The following DOCK11 variants were observed in gnomAD, a reference collection of about 807,000 sequenced individuals.
DOCK11 encodes the protein dedicator of cytokinesis protein 11.
Under a neutral mutation model 169.1 loss-of-function variants are expected in DOCK11, and 70 were observed. The ratio of observed to expected loss-of-function variants is 0.41; its 90% CI spans 0.34 to 0.51. DOCK11 has a LOEUF of 0.51. Ranked by LOEUF, DOCK11 falls within the 20% of genes least tolerant of loss-of-function variation. The pLI, the probability that DOCK11 is intolerant of heterozygous loss-of-function variation, is 0.10. For missense variants in DOCK11, 1,166 were observed against 1,538.8 expected (o/e 0.76, Z 4.05); for synonymous variants, 529 against 541.3 (o/e 0.98, Z 0.32).
chrX:118,618,422 G>A, intron 30 of DOCK11, 128 bp from the exon 31 acceptor site: 2 of 519,715 alleles, frequency 3.8e-6, no homozygotes, highest in South Asian at 1.2e-4. Flanking sequence ...GAATTGCTCA[G>A]AATCATTAAT....
At chrX:118,621,401 G>A (rs1327065512) in intron 31 of DOCK11, among the ~76,000 whole-genome samples, 4 of 111,665 alleles carry the variant, frequency 3.6e-5, no homozygotes, top group African/African-American at 1.3e-4. Flanking sequence ...CAAGGTGAGG[G>A]ATTGGAGGGA....
intron 20 of DOCK11, among the ~76,000 whole-genome samples, chrX:118,596,472 C>T (rs769626760): frequency 1.8e-5 from 2 of 112,487 alleles, no homozygotes; most frequent in African/African-American, 6.4e-5. Context: ...CACACACTCA[C>T]ACACAGAGTC....
rs915830976 is a variant in DOCK11, at chrX:118,648,530, ATT to A, written c.4399-413_4399-412del. On this transcript the variant is annotated intron_variant, in intron 40 of 52. Coordinates refer to ENST00000276202, the MANE Select transcript of DOCK11 (RefSeq NM_144658.4). ...ATATATTAATATGTAATATATATAT[ATT>A]TATATATTTATATATAACATAAATT... Among the ~76,000 whole-genome samples, 33 of 94,276 alleles carry A rather than the reference ATT, an allele frequency of 3.5e-4. No individual in the cohort carries two copies. In the East Asian group the frequency reaches 8.1e-3, roughly 23 times the overall value. 81.9% of individuals were successfully genotyped at this position (94,276 alleles called of 115,157 possible).
chrX:118,630,534 C>A, intron 35 of DOCK11, 44 bp downstream of exon 35: 2 of 839,906 alleles, frequency 2.4e-6, no homozygotes, highest in Non-Finnish European at 3.5e-6. Flanking sequence ...TAGACATACA[C>A]CCTCACAGGT....
At chrX:118,680,126 C>G (rs1335006060) in intron 48 of DOCK11, among the ~76,000 whole-genome samples, 1 of 108,680 alleles carries the variant, frequency 9.2e-6, no homozygotes, top group African/African-American at 3.4e-5. Flanking sequence ...AAGGTTTCAC[C>G]ATGTTGGCCA....
intron 10 of DOCK11, among the ~76,000 whole-genome samples, chrX:118,571,531 T>C (rs2013272995): frequency 9.1e-6 from 1 of 110,243 alleles, no homozygotes; most frequent in African/African-American, 3.3e-5. Flanking sequence ...TTATTTTTTA[T>C]AGAGACAAGG....
In DOCK11 at chrX:118,560,714, TC is replaced by T. The variant is rs1310471441; in HGVS notation, c.559-667del. Among the ~76,000 whole-genome samples the T allele has an allele frequency of 2.1e-4, 24 of 112,043 alleles. 1 individual carries two copies. In the East Asian group the frequency reaches 6.7e-3, roughly 31 times the overall value. ...ACTCATCAGGCAGTCCCCAACCTTT[TC>T]CTGTTCCTGTGGGCTTTGCTGTGAG... On this transcript the variant is annotated intron_variant, in intron 6 of 52. Transcript: ENST00000276202.
At chrX:118,563,913 TC>T (rs1255696139) in intron 7 of DOCK11, among the ~76,000 whole-genome samples, 12 of 111,000 alleles carry the variant, frequency 1.1e-4, no homozygotes, top group Admixed American at 6.7e-4. Context: ...TCTCCTTAGT[TC>T]AGTTAAAACC....
Position 118,580,126 on chromosome X carries a change from A to G in DOCK11, c.1542A>G (p.Lys514=), listed in dbSNP as rs757063309. Residue 514 remains lysine (K), a synonymous_variant, in exon 14 of 53, where the codon AAA becomes AAG. Coordinates refer to ENST00000276202, the MANE Select transcript of DOCK11 (RefSeq NM_144658.4). The part of the protein sequence containing the change: ...KTAQKVHRTA[K]QVCSRLGQYR... ...CCCAGAAGGTGCACAGGACAGCTAAACAAGTGTGTAGCCGCCTTGGACAAT... is the reference window on the plus strand; with the variant it reads ...CCCAGAAGGTGCACAGGACAGCTAAGCAAGTGTGTAGCCGCCTTGGACAAT... The G allele has an allele frequency of 8.3e-7, 1 of 1,209,993 alleles. No individual in the cohort carries two copies. Among genetic ancestry groups the G allele is most frequent in the Admixed American group, 2.2e-5 (1 of 45,817 alleles).
intron 35 of DOCK11, among the ~76,000 whole-genome samples, chrX:118,631,758 C>CG (rs1325093299): frequency 9.1e-6 from 1 of 110,314 alleles, no homozygotes; most frequent in Non-Finnish European, 1.9e-5. Flanking sequence ...AACAAAAAAG[C>CG]GGTTGAATAC....
intron 1 of DOCK11, among the ~76,000 whole-genome samples, chrX:118,541,255 G>A (rs762066835): frequency 2.8e-3 from 306 of 111,257 alleles, no homozygotes; most frequent in Non-Finnish European, 4.3e-3. Context: ...TTTTCTTTCC[G>A]CCCCCCGCTC....
At chrX:118,550,163 G>T (rs990729935) in intron 6 of DOCK11, among the ~76,000 whole-genome samples, 1 of 111,856 alleles carries the variant, frequency 8.9e-6, no homozygotes. Context: ...TTTGGGCCAG[G>T]CGTGGTAGTT....
intron 1 of DOCK11, among the ~76,000 whole-genome samples, chrX:118,498,438 A>G (rs1259333141): frequency 8.9e-6 from 1 of 112,671 alleles, no homozygotes; most frequent in Non-Finnish European, 1.9e-5. Flanking sequence ...CGAAAAAATA[A>G]GGAAATAGTT....
intron 1 of DOCK11, among the ~76,000 whole-genome samples, chrX:118,529,045 G>A (rs1353242802): frequency 9.3e-6 from 1 of 107,453 alleles, no homozygotes; most frequent in African/African-American, 3.4e-5. Context: ...GTATAGTGGC[G>A]CGATCTCGGC....
At chrX:118,568,395 TATATATATATATATA>T (rs2013154009) in intron 10 of DOCK11, among the ~76,000 whole-genome samples, 1 of 76,059 alleles carries the variant, frequency 1.3e-5, no homozygotes, top group African/African-American at 4.9e-5. Flanking sequence ...TATATATATA[TATATATATATATATA>T]TATATATATA....
chrX:118,497,992 A>T (rs1037384660), intron 1 of DOCK11, among the ~76,000 whole-genome samples: 3 of 112,585 alleles, frequency 2.7e-5, no homozygotes, highest in Non-Finnish European at 1.9e-5. Flanking sequence ...ATGGCGAAGG[A>T]GGAAAAACTG....
intron 35 of DOCK11, among the ~76,000 whole-genome samples, chrX:118,630,988 G>GT (rs2015225569): frequency 4.5e-5 from 5 of 111,341 alleles, no homozygotes; most frequent in African/African-American, 1.6e-4. Flanking sequence ...GTCGGGCTCT[G>GT]TTTTTTCTCC....
At chrX:118,632,490 A>C (rs2015269896) in intron 35 of DOCK11, 1 of 112,006 alleles carries the variant, frequency 8.9e-6, no homozygotes, top group Non-Finnish European at 1.9e-5. Flanking sequence ...CTGTAAAGTC[A>C]TATTCATTTT....
At chrX:118,556,020 T>G (rs2012676515) in intron 6 of DOCK11, among the ~76,000 whole-genome samples, 1 of 107,112 alleles carries the variant, frequency 9.3e-6, no homozygotes, top group African/African-American at 3.3e-5. Flanking sequence ...TATAAAATGA[T>G]AAAAGGTTTT....
Sources: gnomAD v4.1 joint callset for allele counts (sites outside exome capture counted in the v4.1 genomes callset) on GRCh38, gnomAD v4.1.1 for gene constraint, MANE v1.5 for transcripts, NCBI Gene and HGNC (gene_info 2026-07-23, HGNC 2026-07-21) for gene names.